NUBPL: variants seen among roughly 807,000 people sequenced by gnomAD.
NUBPL encodes the protein NUBP iron-sulfur cluster assembly factor, mitochondrial.
Under a neutral mutation model 45.7 loss-of-function variants are expected in NUBPL, and 31 were observed. The ratio of observed to expected loss-of-function variants is 0.68; its 90% CI spans 0.51 to 0.92. NUBPL has a LOEUF of 0.92. Among genes scored for constraint, NUBPL ranks in the 40% least tolerant of loss-of-function variants. The pLI, the probability that NUBPL is intolerant of heterozygous loss-of-function variation, is 0.00. For missense variants in NUBPL, 401 were observed against 398.7 expected, an observed-to-expected ratio of 1.01 and a Z score of -0.05; for synonymous variants, 144 against 140.9, an observed-to-expected ratio of 1.02 and a Z score of -0.15.
At chr14:31,791,112 A>G (rs2039374196) in intron 7 of NUBPL, among the ~76,000 whole-genome samples, 1 of 151,264 alleles carries the variant, frequency 6.6e-6, no homozygotes, top group African/African-American at 2.4e-5. Context: ...GTACAAAAGA[A>G]TATTAAACAA....
chr14:31,606,473 T>C (rs1335275951), intron 4 of NUBPL, among the ~76,000 whole-genome samples: 2 of 152,194 alleles, frequency 1.3e-5, no homozygotes, highest in Admixed American at 1.3e-4. Context: ...CACTCTGTTG[T>C]TTCCTTCCAG....
chr14:31,786,393 G>A (rs1595625361), intron 6 of NUBPL, among the ~76,000 whole-genome samples: 2 of 152,174 alleles, frequency 1.3e-5, no homozygotes, highest in Non-Finnish European at 2.9e-5. Context: ...GTAAATGAAT[G>A]ATAACCTTCT....
intron 6 of NUBPL, among the ~76,000 whole-genome samples, chr14:31,764,055 A>G (rs2038867179): frequency 6.6e-6 from 1 of 152,170 alleles, no homozygotes; most frequent in Non-Finnish European, 1.5e-5. Flanking sequence ...GTTAGTTTTG[A>G]TATAGAACAC....
chr14:31,695,769 A>G (rs781656900), intron 6 of NUBPL, among the ~76,000 whole-genome samples: 1 of 152,144 alleles, frequency 6.6e-6, no homozygotes, highest in Non-Finnish European at 1.5e-5. Context: ...ATAAAACTCT[A>G]TTCTTTATAA....
At chr14:31,679,945 T>A in intron 6 of NUBPL, among the ~76,000 whole-genome samples, 1 of 152,268 alleles carries the variant, frequency 6.6e-6, no homozygotes, top group South Asian at 2.1e-4. Context: ...AGCATATAGG[T>A]CTTCTTTTGT....
intron 4 of NUBPL, among the ~76,000 whole-genome samples, chr14:31,652,811 A>G (rs2036041830): frequency 6.6e-6 from 1 of 152,174 alleles, no homozygotes; most frequent in Admixed American, 6.6e-5. Flanking sequence ...TTACAAATTT[A>G]CATTTATCTA....
intron 4 of NUBPL, among the ~76,000 whole-genome samples, chr14:31,635,605 A>G (rs1342824740): frequency 6.6e-6 from 1 of 151,800 alleles, no homozygotes; most frequent in Admixed American, 6.6e-5. Context: ...ACTTTAAAGT[A>G]GTTTTTTCCA....
chr14:31,599,567 G>T (rs1566438304), intron 4 of NUBPL, among the ~76,000 whole-genome samples, 188 bp downstream of exon 4: 1 of 152,152 alleles, frequency 6.6e-6, no homozygotes, highest in East Asian at 1.9e-4. Flanking sequence ...ATAAACAAGA[G>T]TTAAGTTCCT....
intron 3 of NUBPL, among the ~76,000 whole-genome samples, chr14:31,582,217 A>G (rs1006897315): frequency 5.3e-5 from 8 of 151,988 alleles, no homozygotes; most frequent in Non-Finnish European, 8.8e-5. Flanking sequence ...GCCATAGATA[A>G]TAGGATTAAT....
intron 6 of NUBPL, among the ~76,000 whole-genome samples, chr14:31,676,653 G>A (rs1238258447): frequency 2.0e-5 from 3 of 151,882 alleles, no homozygotes; most frequent in Non-Finnish European, 4.4e-5. Context: ...TTTAATTTGT[G>A]TTTCCCTGAT....
At chr14:31,745,584 A>G (rs1408312830) in intron 6 of NUBPL, among the ~76,000 whole-genome samples, 2 of 150,328 alleles carry the variant, frequency 1.3e-5, no homozygotes, top group African/African-American at 5.0e-5. Context: ...TTTTTCAGCT[A>G]GTTTGTTATT....
chr14:31,662,722 G>C (rs1156238906), intron 4 of NUBPL, among the ~76,000 whole-genome samples: 1 of 152,156 alleles, frequency 6.6e-6, no homozygotes, highest in Non-Finnish European at 1.5e-5. Flanking sequence ...ATGGGCATTT[G>C]GGTTGGTTCC....
At chr14:31,837,716 A>G (rs777028095) in intron 8 of NUBPL, among the ~76,000 whole-genome samples, 8 of 152,208 alleles carry the variant, frequency 5.3e-5, no homozygotes, top group Non-Finnish European at 1.2e-4. Context: ...ACATATAATC[A>G]ATTGAAAAAA....
At chr14:31,672,966 A>T (rs370775403) in intron 4 of NUBPL, among the ~76,000 whole-genome samples, 2 of 152,156 alleles carry the variant, frequency 1.3e-5, no homozygotes, top group African/African-American at 4.8e-5. Flanking sequence ...TGGACGGGCA[A>T]AGGGGAGATG....
intron 7 of NUBPL, among the ~76,000 whole-genome samples, chr14:31,815,374 C>G (rs1490710461): frequency 6.6e-6 from 1 of 152,058 alleles, no homozygotes; most frequent in Non-Finnish European, 1.5e-5. Context: ...GTGATTTTTG[C>G]ACATTGATTT....
At chr14:31,725,053 A>G (rs1053398475) in intron 6 of NUBPL, among the ~76,000 whole-genome samples, 2 of 152,060 alleles carry the variant, frequency 1.3e-5, no homozygotes, top group African/African-American at 4.8e-5. Flanking sequence ...TTTGAACTTT[A>G]TTCCAAATAT....
At position 31,640,697 on chromosome 14, in the gene NUBPL, A is replaced by C. The variant is rs1236423721; in HGVS notation, c.383-32658A>C. 1.2e-4 allele frequency among the ~76,000 whole-genome samples: 18 copies of C among 151,370 alleles called. 1 individual carries two copies. Among genetic ancestry groups the C allele is most frequent in the Admixed American group, 1.2e-3 (18 of 15,210 alleles). The stretch of plus-strand genomic sequence containing the variant: ...TTTCAAAAATTTATTTTAAAATTTT[A>C]TCTGTTTATTAATTATTTTGTTGAT... On this transcript the variant is annotated intron_variant, in intron 4 of 10. Coordinates refer to ENST00000281081, the MANE Select transcript of NUBPL (RefSeq NM_025152.3).
chr14:31,624,982 T>C (rs755641093), intron 4 of NUBPL, among the ~76,000 whole-genome samples: 1 of 152,176 alleles, frequency 6.6e-6, no homozygotes, highest in African/African-American at 2.4e-5. Context: ...AACAAATTAT[T>C]ATCCAGTCCA....
At chr14:31,719,851 A>G (rs1222093675) in intron 6 of NUBPL, among the ~76,000 whole-genome samples, 1 of 152,168 alleles carries the variant, frequency 6.6e-6, no homozygotes, top group African/African-American at 2.4e-5. Context: ...AATGCTATAC[A>G]TGCTGCTTTT....
Sources: gnomAD v4.1 joint callset for allele counts (sites outside exome capture counted in the v4.1 genomes callset) on GRCh38, gnomAD v4.1.1 for gene constraint, MANE v1.5 for transcripts, NCBI Gene and HGNC (gene_info 2026-07-23, HGNC 2026-07-21) for gene names.